ATG7: variants seen among roughly 807,000 people sequenced by gnomAD.
The protein encoded by ATG7 is autophagy related 7, also known as ubiquitin-like modifier-activating enzyme ATG7.
ATG7 carries 70 observed loss-of-function variants against 82.4 expected under a neutral mutation model. The ratio of observed to expected loss-of-function variants is 0.85; its 90% CI spans 0.70 to 1.04. The LOEUF is 1.04. Among genes scored for constraint, ATG7 ranks in the 50% least tolerant of loss-of-function variants. The pLI is 0.00. For missense variants in ATG7, 792 were observed against 864.3 expected, an observed-to-expected ratio of 0.92 and a Z score of 1.05; for synonymous variants, 287 against 313.0, an observed-to-expected ratio of 0.92 and a Z score of 0.88.
intron 10 of ATG7, 76 bp from the exon 11 acceptor site, chr3:11,332,896 G>C: frequency 7.5e-7 from 1 of 1,334,900 alleles, no homozygotes; most frequent in African/African-American, 1.5e-5. Flanking sequence ...GTTTGCTGAA[G>C]CTCTTATGTG....
chr3:11,400,660 G>A (rs2079750717), intron 19 of ATG7, among the ~76,000 whole-genome samples: 1 of 151,992 alleles, frequency 6.6e-6, no homozygotes, highest in African/African-American at 2.4e-5. Flanking sequence ...CCTGGGATAT[G>A]TCCAGTTAGT....
chr3:11,478,275 CTCTA>C (rs542876898), intron 20 of ATG7, among the ~76,000 whole-genome samples: 30 of 152,196 alleles, frequency 2.0e-4, no homozygotes, highest in Non-Finnish European at 4.0e-4. Flanking sequence ...CAGAATGAAT[CTCTA>C]TCTCTCTTTT....
At position 11,477,446 on chromosome 3, in the gene ATG7, T is replaced by TTC. The variant is rs139895592; in HGVS notation, c.2079+50523_2079+50524dup. 3.6e-3 allele frequency: 1,783 copies of TTC among 490,208 alleles called. 32 individuals are homozygous for TTC. Among genetic ancestry groups the TTC allele is most frequent in the African/African-American group, 0.035 (1,655 of 47,550 alleles). 30.4% of individuals were successfully genotyped at this position (490,208 alleles called of 1,614,324 possible). A position where few individuals can be genotyped will look rare whatever the true frequency, so the allele number is the denominator to read the frequency against. ...TTTTAAACACAAGCATCAGCATGTT[T>TTC]TCTCCCTCTAATTTATAAATGTCAG... On this transcript the variant is annotated intron_variant, in intron 20 of 20. Coordinates refer to ENST00000693202, the MANE Select transcript of ATG7 (RefSeq NM_001349232.2).
chr3:11,562,627 A>T (rs2073123364), downstream of ATG7, among the ~76,000 whole-genome samples: 1 of 152,220 alleles, frequency 6.6e-6, no homozygotes, highest in South Asian at 2.1e-4. Flanking sequence ...CCCAGCTCGG[A>T]TTGGTGTGCA....
At chr3:11,463,164 C>A (rs936520872) in intron 20 of ATG7, among the ~76,000 whole-genome samples, 1 of 152,042 alleles carries the variant, frequency 6.6e-6, no homozygotes, top group Non-Finnish European at 1.5e-5. Flanking sequence ...GGATTACAGG[C>A]GTGAGCCACC....
chr3:11,490,119 T>G (rs1215317999), intron 20 of ATG7, among the ~76,000 whole-genome samples: 1 of 152,114 alleles, frequency 6.6e-6, no homozygotes, highest in Non-Finnish European at 1.5e-5. Flanking sequence ...TCTAAGTCTC[T>G]TTGTAGGTCA....
At chr3:11,436,335 T>C (rs1248735528) in intron 20 of ATG7, among the ~76,000 whole-genome samples, 1 of 152,196 alleles carries the variant, frequency 6.6e-6, no homozygotes, top group African/African-American at 2.4e-5. Context: ...TTTATGAAGA[T>C]GTAGGGAAAT....
At chr3:11,563,475 CTCTCT>C in the ATG7 span, among the ~76,000 whole-genome samples, 4 of 152,186 alleles carry the variant, frequency 2.6e-5, no homozygotes, top group African/African-American at 9.7e-5. Context: ...CAGCACAATC[CTCTCT>C]TCTCATGTCC....
chr3:11,438,189 C>T (rs1327868102), intron 20 of ATG7, among the ~76,000 whole-genome samples: 2 of 152,162 alleles, frequency 1.3e-5, no homozygotes, highest in African/African-American at 4.8e-5. Flanking sequence ...TGAGCGTCTT[C>T]TCTGGGTGTC....
intron 18 of ATG7, among the ~76,000 whole-genome samples, chr3:11,372,809 TGTGTGTGCGCGCGTGTGC>T (rs2077094841): frequency 7.3e-6 from 1 of 136,106 alleles, no homozygotes. Flanking sequence ...TGGGTGTGTG[TGTGTGTGCGCGCGTGTGC>T]GTGTGTGTGC....
chr3:11,525,556 CTTTTTTTT>C (rs58430409), intron 20 of ATG7, among the ~76,000 whole-genome samples: 1 of 123,676 alleles, frequency 8.1e-6, no homozygotes, highest in Non-Finnish European at 1.6e-5. Flanking sequence ...TAGTTATAGC[CTTTTTTTT>C]TTTTTTTTTA....
At chr3:11,546,162 ATTTTT>A (rs36042370) in intron 20 of ATG7, among the ~76,000 whole-genome samples, 4 of 68,854 alleles carry the variant, frequency 5.8e-5, no homozygotes, top group Admixed American at 2.4e-4. Flanking sequence ...CCAAAACTGG[ATTTTT>A]TTTTTTTTTT....
Position 11,315,636 on chromosome 3 carries a change from A to G in ATG7, c.678+143A>G, listed in dbSNP as rs548483402. ...TGTTTAAGAACATTTCCTTATCTCT[A>G]TCCTCTCCCACCCCTACAGTTATCG... On this transcript the variant is annotated intron_variant, in intron 9 of 20. Transcript: ENST00000693202. 1.7e-5 allele frequency: 12 copies of G among 711,854 alleles called. No homozygotes were observed. The East Asian group carries it at 2.1e-4, about 12-fold the overall frequency. 44.1% of individuals were successfully genotyped at this position (711,854 alleles called of 1,614,324 possible). A position where few individuals can be genotyped will look rare whatever the true frequency, so the allele number is the denominator to read the frequency against.
the ATG7 span, among the ~76,000 whole-genome samples, chr3:11,567,048 T>C: frequency 5.2e-3 from 794 of 152,170 alleles, 5 homozygotes; most frequent in Non-Finnish European, 9.0e-3. Context: ...GTCGGTGAGC[T>C]GCTAAGGGCT....
At chr3:11,572,314 C>T in the ATG7 span, among the ~76,000 whole-genome samples, 1 of 152,244 alleles carries the variant, frequency 6.6e-6, no homozygotes, top group Admixed American at 6.5e-5. Flanking sequence ...TCTAAGTTTA[C>T]AAAACTAGTA....
At chr3:11,432,357 T>C (rs1049862925) in intron 20 of ATG7, among the ~76,000 whole-genome samples, 5 of 152,162 alleles carry the variant, frequency 3.3e-5, no homozygotes, top group Non-Finnish European at 5.9e-5. Context: ...ATGTGTGTGG[T>C]AGATTAATTT....
chr3:11,295,165 T>G (rs1330469828), intron 3 of ATG7, among the ~76,000 whole-genome samples: 1 of 152,152 alleles, frequency 6.6e-6, no homozygotes, highest in Admixed American at 6.5e-5. Flanking sequence ...GGAAAACGCT[T>G]GGTCAGGCGC....
chr3:11,422,515 G>A (rs1576304304), intron 19 of ATG7, among the ~76,000 whole-genome samples: 1 of 152,092 alleles, frequency 6.6e-6, no homozygotes, highest in African/African-American at 2.4e-5. Flanking sequence ...ATTGGGCTTT[G>A]CCTTAAGGGG....
chr3:11,401,738 G>A (rs777620471), intron 19 of ATG7, among the ~76,000 whole-genome samples: 2 of 152,196 alleles, frequency 1.3e-5, no homozygotes, highest in Non-Finnish European at 2.9e-5. Flanking sequence ...AAATGGCAGA[G>A]TCCAGGAGGG....
Sources: allele counts gnomAD v4.1 joint callset (sites outside exome capture counted in the v4.1 genomes callset), GRCh38; gene constraint gnomAD v4.1.1; transcripts MANE v1.5; gene names NCBI Gene and HGNC (gene_info 2026-07-23, HGNC 2026-07-21).